The following PBX3 variants were observed in gnomAD, a reference collection of about 807,000 sequenced individuals.
PBX3 encodes pre-B-cell leukemia transcription factor 3.
PBX3 carries 14 observed loss-of-function variants against 48.5 expected under a neutral mutation model. The ratio of observed to expected loss-of-function variants is 0.29; its 90% CI spans 0.19 to 0.45. The LOEUF (loss-of-function observed/expected upper bound fraction) is 0.45, where lower values mean the gene tolerates loss of function less well. PBX3 is among the 20% of genes least tolerant of loss of function. The pLI is 1.00. For missense variants in PBX3, 386 were observed against 546.7 expected, an observed-to-expected ratio of 0.71 and a Z score of 2.93; for synonymous variants, 210 against 200.3, an observed-to-expected ratio of 1.05 and a Z score of -0.41.
chr9:125,956,031 G>T (rs763755452), intron 5 of PBX3, among the ~76,000 whole-genome samples: 2 of 152,164 alleles, frequency 1.3e-5, no homozygotes, highest in Non-Finnish European at 2.9e-5. Context: ...CCCACTTTGG[G>T]CAACTTGTCT....
At chr9:125,876,802 CTT>C (rs59596389) in intron 2 of PBX3, among the ~76,000 whole-genome samples, 91 of 128,946 alleles carry the variant, frequency 7.1e-4, no homozygotes, top group African/African-American at 2.4e-3. Context: ...TTCTTTCTTT[CTT>C]TTTTTTTTTT....
chr9:125,767,994 G>A (rs1324050469), intron 2 of PBX3, among the ~76,000 whole-genome samples: 1 of 151,936 alleles, frequency 6.6e-6, no homozygotes, highest in African/African-American at 2.4e-5. Flanking sequence ...GGGGAGTTTA[G>A]AAGAGGGAAA....
At chr9:125,856,155 A>G (rs1420142415) in intron 2 of PBX3, among the ~76,000 whole-genome samples, 1 of 152,200 alleles carries the variant, frequency 6.6e-6, no homozygotes, top group Non-Finnish European at 1.5e-5. Context: ...AATGAATGTC[A>G]TAAATACGAA....
chr9:125,816,028 C>G (rs1011214251), intron 2 of PBX3, among the ~76,000 whole-genome samples: 3 of 151,982 alleles, frequency 2.0e-5, no homozygotes, highest in African/African-American at 7.3e-5. Context: ...TTTTTGAGAC[C>G]GTGTCTTACT....
intron 3 of PBX3, among the ~76,000 whole-genome samples, chr9:125,923,136 T>C (rs986369969): frequency 6.6e-6 from 1 of 152,258 alleles, no homozygotes; most frequent in African/African-American, 2.4e-5. Flanking sequence ...TAGCAAATTA[T>C]GAGTTTTTAG....
intron 2 of PBX3, among the ~76,000 whole-genome samples, chr9:125,829,967 C>T (rs1321223854): frequency 6.6e-6 from 1 of 152,194 alleles, no homozygotes; most frequent in Non-Finnish European, 1.5e-5. Flanking sequence ...GCTGAACAAT[C>T]TTGACATGGT....
intron 2 of PBX3, among the ~76,000 whole-genome samples, chr9:125,889,753 G>T (rs1032599233): frequency 1.6e-4 from 24 of 150,724 alleles, no homozygotes; most frequent in African/African-American, 5.8e-4. Flanking sequence ...GGGGCGCGCC[G>T]CGGCGGGGAG....
At chr9:125,773,879 T>G (rs961210555) in intron 2 of PBX3, among the ~76,000 whole-genome samples, 2 of 152,206 alleles carry the variant, frequency 1.3e-5, no homozygotes, top group African/African-American at 4.8e-5. Flanking sequence ...AACCTAAAAT[T>G]AACTATTTTA....
At chr9:125,778,741 A>G (rs1474811277) in intron 2 of PBX3, among the ~76,000 whole-genome samples, 4 of 147,934 alleles carry the variant, frequency 2.7e-5, no homozygotes, top group Non-Finnish European at 4.5e-5. Flanking sequence ...TGGGCATGCT[A>G]GGCTTTGCTG....
intron 2 of PBX3, among the ~76,000 whole-genome samples, chr9:125,797,770 T>A (rs1564660237): frequency 6.6e-6 from 1 of 152,140 alleles, no homozygotes; most frequent in Non-Finnish European, 1.5e-5. Context: ...CATTAGGTAT[T>A]TAGACTTGTT....
chr9:125,836,535 G>T (rs1215641538), intron 2 of PBX3, among the ~76,000 whole-genome samples: 2 of 152,132 alleles, frequency 1.3e-5, no homozygotes, highest in African/African-American at 4.8e-5. Context: ...GTGCTAAAAG[G>T]GGTTGGTTAA....
At chr9:125,850,055 C>T (rs909148122) in intron 2 of PBX3, among the ~76,000 whole-genome samples, 1 of 151,936 alleles carries the variant, frequency 6.6e-6, no homozygotes, top group African/African-American at 2.4e-5. Context: ...TTAAAAAGTC[C>T]TTAAATATAT....
chr9:125,943,470 C>T (rs1453039252), intron 5 of PBX3, among the ~76,000 whole-genome samples: 1 of 147,666 alleles, frequency 6.8e-6, no homozygotes, highest in Non-Finnish European at 1.5e-5. Context: ...AAGTCATAAT[C>T]AGAACTGTGG....
chr9:125,931,307 A>G (rs1027877375), intron 4 of PBX3, among the ~76,000 whole-genome samples: 10 of 152,166 alleles, frequency 6.6e-5, no homozygotes, highest in Non-Finnish European at 1.5e-5. Flanking sequence ...TAATGTCCTT[A>G]GCATTCCCTT....
chr9:125,912,596 T>G (rs1841229172), intron 2 of PBX3, among the ~76,000 whole-genome samples: 1 of 152,160 alleles, frequency 6.6e-6, no homozygotes, highest in African/African-American at 2.4e-5. Flanking sequence ...ATCTTAGGGA[T>G]ACGGAAATGA....
chr9:125,883,983 G>C (rs567505724), intron 2 of PBX3, among the ~76,000 whole-genome samples: 1 of 152,292 alleles, frequency 6.6e-6, no homozygotes, highest in South Asian at 2.1e-4. Flanking sequence ...TACATGGCTT[G>C]TATGGCAGCT....
At chr9:125,906,707 G>GTTTCTCCCCA (rs1212770019) in intron 2 of PBX3, among the ~76,000 whole-genome samples, 1 of 151,828 alleles carries the variant, frequency 6.6e-6, no homozygotes, top group Non-Finnish European at 1.5e-5. Context: ...TCTCCCCATT[G>GTTTCTCCCCA]GTTGTTTCTG....
At chr9:125,899,238 A>AATAT (rs1156939797) in intron 2 of PBX3, among the ~76,000 whole-genome samples, 1 of 130,446 alleles carries the variant, frequency 7.7e-6, no homozygotes, top group Admixed American at 8.1e-5. Context: ...TTTATATATA[A>AATAT]ATATACATAT....
In PBX3 at chr9:125,757,287, A is replaced by C. The variant is rs187855757; in HGVS notation, c.274+8664A>C. Among the ~76,000 whole-genome samples the C allele has an allele frequency of 3.4e-4, 52 of 152,132 alleles. No homozygotes were observed. The East Asian group carries it at 0.01, about 29-fold the overall frequency. On this transcript the variant is annotated intron_variant, in intron 2 of 8. Transcript: ENST00000373489. ...CCTCCCACCATTGTTTTTTTTTAAA[A>C]AAAAAACTACAGGTGAAGGTTGTTG...
Sources: allele counts gnomAD v4.1 joint callset (sites outside exome capture counted in the v4.1 genomes callset), GRCh38; gene constraint gnomAD v4.1.1; transcripts MANE v1.5; gene names NCBI Gene and HGNC (gene_info 2026-07-23, HGNC 2026-07-21).